PACS2: variants seen among roughly 807,000 people sequenced by gnomAD.
PACS2 encodes PACS1-like protein.
Under a neutral mutation model 113.0 loss-of-function variants are expected in PACS2, and 36 were observed. The ratio of observed to expected loss-of-function variants is 0.32; its 90% CI spans 0.24 to 0.42. PACS2 has a LOEUF of 0.42. Ranked by LOEUF, PACS2 falls within the 10% of genes least tolerant of loss-of-function variation. The pLI is 1.00. For missense variants in PACS2, 1,015 were observed against 1,239.5 expected, an observed-to-expected ratio of 0.82 and a Z score of 2.72; for synonymous variants, 589 against 536.1, an observed-to-expected ratio of 1.10 and a Z score of -1.36.
chr14:105,370,796 G>A (rs1298519629), intron 8 of PACS2: 1 of 152,158 alleles, frequency 6.6e-6, no homozygotes, highest in Non-Finnish European at 1.5e-5. Flanking sequence ...CTGGCCTCAA[G>A]TGATCTGCCT....
chr14:105,315,043 C>G lies in PACS2; in HGVS notation c.119+6C>G. ...AGCCCCAGCTGCGTGCCCAGGTACGCGCCGCCCGCCGCGCTTTGTTCCCGC... is the reference window on the plus strand; with the variant it reads ...AGCCCCAGCTGCGTGCCCAGGTACGGGCCGCCCGCCGCGCTTTGTTCCCGC... On this transcript the variant is annotated splice_donor_region_variant and intron_variant, in intron 1 of 24. Transcript: ENST00000447393. This position sits in a 1 kb window ranked among gnomAD's most constrained non-coding sequence, Gnocchi z 4.4. 8.5e-7 allele frequency: 1 copy of G among 1,172,100 alleles called. No homozygotes were observed. The highest frequency in any genetic ancestry group is 1.1e-6 in the Non-Finnish European group (1 of 939,902). The allele number at this position is 1,172,100 out of a possible 1,614,324, so 72.6% of individuals were successfully genotyped here.
rs587665391 is a variant in PACS2, at chr14:105,309,389, G to A, written c.-83+8410G>A. On this transcript the variant is annotated intron_variant, in intron 1 of 23. Transcript: ENST00000430725. This position sits in a 1 kb window ranked among gnomAD's most constrained non-coding sequence, Gnocchi z 4.0. Reference sequence around the variant, plus strand: ...CCCATGTTGCTAAAACTGAGGCAGCGTTCCGTTTTGCTGGTTATTCCACAT... The same window carrying A: ...CCCATGTTGCTAAAACTGAGGCAGCATTCCGTTTTGCTGGTTATTCCACAT... 3.3e-5 allele frequency among the ~76,000 whole-genome samples: 5 copies of A among 152,312 alleles called. No individual in the cohort carries two copies. The highest frequency in any genetic ancestry group is 2.1e-4 in the South Asian group (1 of 4,826).
intron 1 of PACS2, among the ~76,000 whole-genome samples, chr14:105,337,302 G>T (rs2059565159): frequency 6.6e-6 from 1 of 152,188 alleles, no homozygotes; most frequent in Admixed American, 6.5e-5. Flanking sequence ...ATGGGGAGTT[G>T]GGGTTGAATG....
intron 2 of PACS2, among the ~76,000 whole-genome samples, chr14:105,350,978 T>C (rs1413488256): frequency 6.6e-6 from 1 of 152,160 alleles, no homozygotes; most frequent in Non-Finnish European, 1.5e-5. Flanking sequence ...GCCATGGACG[T>C]CTCATGGAGC....
rs1410559250 is a variant in PACS2 at position 105,342,272 on chromosome 14, CTA to C, written c.120-6219_120-6218del. ...TGTGTGTGTGTGTGTGTGTGTGTGT[CTA>C]TGTGTGAGAGAGAGAGAGACAGGGT... On this transcript the variant is annotated intron_variant, in intron 1 of 24. Coordinates refer to ENST00000447393, the MANE Select transcript of PACS2 (RefSeq NM_001100913.3). Among the ~76,000 whole-genome samples the C allele has an allele frequency of 1.6e-3, 201 of 125,296 alleles. 1 individual carries two copies. Among genetic ancestry groups the C allele is most frequent in the African/African-American group, 6.0e-3 (178 of 29,518 alleles). 82.2% of individuals were successfully genotyped at this position (125,296 alleles called of 152,430 possible).
rs1555412954 is a variant in PACS2 at position 105,384,323 on chromosome 14, G to A, written c.1781-30G>A. The A allele has an allele frequency of 2.2e-6, 3 of 1,362,188 alleles. No homozygotes were observed. In the South Asian group the frequency reaches 3.5e-5, roughly 16 times the overall value. 84.4% of individuals were successfully genotyped at this position (1,362,188 alleles called of 1,614,324 possible). On this transcript the variant is annotated intron_variant, in intron 16 of 24. Transcript: ENST00000447393. ...AGCCTTGCAGCTCCGAGTCCCCCGT[G>A]GTGACACCAGCCCCACCCCTGGCAT...
At chr14:105,303,152 C>T (rs1287054537) in intron 1 of PACS2, among the ~76,000 whole-genome samples, 1 of 152,214 alleles carries the variant, frequency 6.6e-6, no homozygotes, top group Non-Finnish European at 1.5e-5. Flanking sequence ...TGGTCCCAAA[C>T]TCCTGACCTC....
At chr14:105,368,306 G>A (rs587682224) in intron 6 of PACS2, among the ~76,000 whole-genome samples, 153 bp from the exon 7 acceptor site, 1 of 152,300 alleles carries the variant, frequency 6.6e-6, no homozygotes, top group South Asian at 2.1e-4. Context: ...CGACCCCAGG[G>A]GCCCGAGTTT....
At chr14:105,302,252 G>A (rs2058061393) in intron 1 of PACS2, among the ~76,000 whole-genome samples, 1 of 146,030 alleles carries the variant, frequency 6.8e-6, no homozygotes, top group Admixed American at 6.9e-5. Flanking sequence ...TGCCCAGGCT[G>A]GAGTGCAGTG....
chr14:105,368,226 T>A, intron 6 of PACS2, 79 bp downstream of exon 6: 1 of 1,067,048 alleles, frequency 9.4e-7, no homozygotes, highest in Non-Finnish European at 1.4e-6. Context: ...TCACCAGCTG[T>A]CACCAGGGCC....
chr14:105,369,313 A>G (rs1421905635), intron 7 of PACS2, among the ~76,000 whole-genome samples: 1 of 152,230 alleles, frequency 6.6e-6, no homozygotes, highest in Non-Finnish European at 1.5e-5. Flanking sequence ...CTTGGGCCCA[A>G]CTGTTGTGAA....
At position 105,329,430 on chromosome 14, in the gene PACS2, C is replaced by A. The variant is rs1429338307; in HGVS notation, c.119+14393C>A. On this transcript the variant is annotated intron_variant, in intron 1 of 24. Coordinates refer to ENST00000447393, the MANE Select transcript of PACS2 (RefSeq NM_001100913.3). This position sits in a 1 kb window ranked among gnomAD's most constrained non-coding sequence, Gnocchi z 6.4. ...GCTGTCACCTGCCTGCTGCTCCTGCCCCACCAGAACCATCCTGAGTCCAAA... is the reference window on the plus strand; with the variant it reads ...GCTGTCACCTGCCTGCTGCTCCTGCACCACCAGAACCATCCTGAGTCCAAA... Among the ~76,000 whole-genome samples the A allele has an allele frequency of 6.6e-6, 1 of 152,168 alleles. No individual in the cohort carries two copies. The highest frequency in any genetic ancestry group is 6.5e-5 in the Admixed American group (1 of 15,280).
chr14:105,303,533 G>A (rs958826087), intron 1 of PACS2, among the ~76,000 whole-genome samples: 2 of 152,210 alleles, frequency 1.3e-5, no homozygotes, highest in Non-Finnish European at 2.9e-5. Context: ...GTGAGCCATC[G>A]CGCCTGGCCT....
At position 105,393,353 on chromosome 14, in the gene PACS2, C is replaced by A. The variant is rs370527255; in HGVS notation, c.2596+18C>A. 13 of 1,572,144 alleles carry A rather than the reference C, an allele frequency of 8.3e-6. No individual in the cohort carries two copies. Among genetic ancestry groups the A allele is most frequent in the Non-Finnish European group, 1.1e-5 (13 of 1,148,798 alleles). ...GCTGCGGGGTGAGCACCACCGGCCC[C>A]GGGGTCTGTAGAGTGGGACGTAGGT... On this transcript the variant is annotated intron_variant, in intron 24 of 24. Transcript: ENST00000447393.
rs137897906 is a variant in PACS2, at chr14:105,356,097, C to G, written c.423+920C>G. Reference sequence around the variant, plus strand: ...AGCCCCCCAGCCCCTCTTCTTCCCACTTTGTCCCCCTGCTCCTGGGGCTTG... The same window carrying G: ...AGCCCCCCAGCCCCTCTTCTTCCCAGTTTGTCCCCCTGCTCCTGGGGCTTG... On this transcript the variant is annotated intron_variant, in intron 4 of 24. Transcript: ENST00000447393. The surrounding 1 kb of genome is among the most constrained non-coding windows in gnomAD (Gnocchi z 4.0). 0.016 allele frequency among the ~76,000 whole-genome samples: 2,434 copies of G among 152,254 alleles called. 67 individuals carry two copies. Among genetic ancestry groups the G allele is most frequent in the African/African-American group, 0.053 (2,209 of 41,532 alleles).
At chr14:105,337,234 A>G (rs2059562150) in intron 1 of PACS2, among the ~76,000 whole-genome samples, 1 of 152,148 alleles carries the variant, frequency 6.6e-6, no homozygotes, top group Non-Finnish European at 1.5e-5. Context: ...CATTGCATTC[A>G]TAGGGACGGA....
At chr14:105,312,471 C>T (rs1235581452), upstream of PACS2, among the ~76,000 whole-genome samples, 1 of 152,212 alleles carries the variant, frequency 6.6e-6, no homozygotes, top group Non-Finnish European at 1.5e-5. Context: ...CCAGCCACCC[C>T]AGTCATCCGA....
At chr14:105,351,763 T>G (rs2060189208) in intron 2 of PACS2, among the ~76,000 whole-genome samples, 1 of 152,194 alleles carries the variant, frequency 6.6e-6, no homozygotes, top group Non-Finnish European at 1.5e-5. Flanking sequence ...GAGGATTGCC[T>G]GAGCCTAGGA....
At position 105,348,625 on chromosome 14, in the gene PACS2, C is replaced by A; in HGVS notation, c.207+45C>A. On this transcript the variant is annotated intron_variant, in intron 2 of 24. Coordinates refer to ENST00000447393, the MANE Select transcript of PACS2 (RefSeq NM_001100913.3). The surrounding 1 kb of genome is among the most constrained non-coding windows in gnomAD (Gnocchi z 6.4). The stretch of plus-strand genomic sequence containing the variant: ...CGGCTGTGGCTGGGTGCTGTGTAGG[C>A]TTTCCATGTGCCTGGGAGACGAGTC... 7.3e-7 allele frequency: 1 copy of A among 1,372,822 alleles called. No individual in the cohort carries two copies. Among genetic ancestry groups the A allele is most frequent in the Non-Finnish European group, 1.0e-6 (1 of 964,538 alleles). The allele number at this position is 1,372,822 out of a possible 1,614,324, so 85.0% of individuals were successfully genotyped here.
Sources: gnomAD v4.1 joint callset for allele counts (sites outside exome capture counted in the v4.1 genomes callset) on GRCh38, gnomAD v4.1.1 for gene constraint, Gnocchi (gnomAD v3.1) non-coding constraint, MANE v1.5 for transcripts, NCBI Gene and HGNC (gene_info 2026-07-23, HGNC 2026-07-21) for gene names.